The following SLC27A6 variants were observed in gnomAD, a reference collection of about 807,000 sequenced individuals.
SLC27A6 encodes solute carrier family 27 member 6.
Under a neutral mutation model 63.9 loss-of-function variants are expected in SLC27A6, and 74 were observed. That is an observed-to-expected ratio of 1.16 (90% CI 0.96 to 1.40). The LOEUF is 1.40. Among genes scored for constraint, SLC27A6 ranks in the 40% most tolerant of loss-of-function variants. The pLI is 0.00. For synonymous variants in SLC27A6, 287 were observed against 260.8 expected (o/e 1.10, Z -0.97); for missense variants, 794 against 732.9 (o/e 1.08, Z -0.96).
chr5:128,979,721 T>C (rs1159330719), intron 1 of SLC27A6, among the ~76,000 whole-genome samples: 1 of 152,166 alleles, frequency 6.6e-6, no homozygotes, highest in African/African-American at 2.4e-5. Flanking sequence ...AATAATATAA[T>C]GTATAAATTG....
At chr5:129,017,938 G>A (rs929910410) in intron 5 of SLC27A6, among the ~76,000 whole-genome samples, 1 of 152,014 alleles carries the variant, frequency 6.6e-6, no homozygotes, top group African/African-American at 2.4e-5. Context: ...AGATAATGCA[G>A]AAGGAGAAAA....
At chr5:129,020,657 T>A (rs1186509446) in intron 5 of SLC27A6, among the ~76,000 whole-genome samples, 1 of 152,148 alleles carries the variant, frequency 6.6e-6, no homozygotes, top group Non-Finnish European at 1.5e-5. Flanking sequence ...AGCTGTTTTA[T>A]TGCCTTAAAA....
At chr5:128,971,392 T>A (rs36157890) in intron 1 of SLC27A6, among the ~76,000 whole-genome samples, 36,476 of 151,848 alleles carry the variant, frequency 0.24, 4,919 homozygotes, top group Middle Eastern at 0.33. Context: ...TTTGGGGGTC[T>A]AAGTCTCTTT....
chr5:128,997,748 T>G (rs1300878292), intron 4 of SLC27A6, among the ~76,000 whole-genome samples: 1 of 152,222 alleles, frequency 6.6e-6, no homozygotes. Flanking sequence ...AAATTTAGCT[T>G]TATGTAGGAA....
At chr5:128,985,046 C>T in intron 1 of SLC27A6, 87 bp from the exon 2 acceptor site, 2 of 815,526 alleles carry the variant, frequency 2.5e-6, no homozygotes, top group South Asian at 3.5e-5. Context: ...TACATTTTAT[C>T]CCTGTTTCAA....
Position 128,966,000 on chromosome 5 carries a change from C to T in SLC27A6, c.-138C>T, listed in dbSNP as rs1442884497. 3 of 1,017,664 alleles carry T rather than the reference C, an allele frequency of 2.9e-6. No homozygotes were observed. The highest frequency in any genetic ancestry group is 4.0e-6 in the Non-Finnish European group (3 of 741,290). 63.0% of individuals were successfully genotyped at this position (1,017,664 alleles called of 1,614,324 possible). A position where few individuals can be genotyped will look rare whatever the true frequency, so the allele number is the denominator to read the frequency against. ...CAGGATTCCTCCCCATCCCGCTTCG[C>T]CCCGGAAAAGCTGACAAGAACTTCA... is the stretch of plus-strand genomic sequence containing the variant. On this transcript the variant is annotated 5_prime_UTR_variant, in exon 1 of 10. Transcript: ENST00000262462.
At chr5:128,986,190 T>C (rs1475426676) in intron 2 of SLC27A6, among the ~76,000 whole-genome samples, 1 of 152,132 alleles carries the variant, frequency 6.6e-6, no homozygotes, top group Non-Finnish European at 1.5e-5. Context: ...GGCATGCACC[T>C]GTAGTACCAG....
intron 1 of SLC27A6, among the ~76,000 whole-genome samples, chr5:128,968,393 TC>T (rs1749994505): frequency 6.6e-6 from 1 of 152,128 alleles, no homozygotes; most frequent in Non-Finnish European, 1.5e-5. Flanking sequence ...GTCAAAGTGT[TC>T]CTATTTCTCC....
intron 5 of SLC27A6, among the ~76,000 whole-genome samples, chr5:129,018,201 G>A (rs1435074125): frequency 1.3e-5 from 2 of 152,026 alleles, no homozygotes; most frequent in East Asian, 1.9e-4. Flanking sequence ...CCCATAATGC[G>A]AACTTTGGTG....
chr5:128,991,937 T>C (rs1325752740), intron 4 of SLC27A6, among the ~76,000 whole-genome samples: 1 of 151,772 alleles, frequency 6.6e-6, no homozygotes, highest in African/African-American at 2.4e-5. Context: ...ATGCTTCTTC[T>C]TTAACTTTAT....
In SLC27A6 at chr5:128,970,080, G is replaced by A. The variant is rs187218648; in HGVS notation, c.481+3462G>A. Among the ~76,000 whole-genome samples the A allele has an allele frequency of 3.3e-4, 48 of 144,294 alleles. 2 individuals are homozygous for A. In the East Asian group the frequency reaches 6.6e-3, roughly 20 times the overall value. 94.7% of individuals were successfully genotyped at this position (144,294 alleles called of 152,430 possible). A position where few individuals can be genotyped will look rare whatever the true frequency, so the allele number is the denominator to read the frequency against. On this transcript the variant is annotated intron_variant, in intron 1 of 9. Coordinates refer to ENST00000262462, the MANE Select transcript of SLC27A6 (RefSeq NM_001017372.3). ...CTGGATTACGTTTATTGATTTGCAT[G>A]TGCTGAACAAGCCTTGCATCCCAGG... is the stretch of plus-strand genomic sequence containing the variant.
chr5:129,007,438 G>C (rs1426157542), intron 4 of SLC27A6, among the ~76,000 whole-genome samples: 1 of 71,090 alleles, frequency 1.4e-5, no homozygotes, highest in Non-Finnish European at 2.5e-5. Context: ...GCGAGACTCA[G>C]TCTTAAAAAA....
At chr5:129,011,502 C>T (rs1751726475) in intron 4 of SLC27A6, among the ~76,000 whole-genome samples, 1 of 152,184 alleles carries the variant, frequency 6.6e-6, no homozygotes, top group African/African-American at 2.4e-5. Flanking sequence ...AGTCCATAAG[C>T]AACACCATAG....
intron 1 of SLC27A6, among the ~76,000 whole-genome samples, chr5:128,970,938 A>T (rs569360670): frequency 6.6e-6 from 1 of 152,274 alleles, no homozygotes; most frequent in East Asian, 1.9e-4. Flanking sequence ...AATGTTTTCC[A>T]GAGATTCTGA....
In SLC27A6 at chr5:129,015,881, A is replaced by G; in HGVS notation, c.970-4A>G. On this transcript the variant is annotated splice_region_variant and splice_polypyrimidine_tract_variant and intron_variant, in intron 4 of 9. Transcript: ENST00000262462. ...ATTACAAGTAAAACATTTTCTTCTA[A>G]CAGAGAGAAGGAGAAAAGGATCATA... 6.4e-7 allele frequency: 1 copy of G among 1,568,980 alleles called. No individual in the cohort carries two copies. The highest frequency in any genetic ancestry group is 2.1e-5 in the Admixed American group (1 of 47,850).
chr5:128,969,195 C>G (rs191161293), intron 1 of SLC27A6, among the ~76,000 whole-genome samples: 11 of 152,258 alleles, frequency 7.2e-5, no homozygotes, highest in Middle Eastern at 3.4e-3. Context: ...AGTCAGGTAT[C>G]GTGATGCCTC....
chr5:129,002,413 G>T (rs4836428), intron 4 of SLC27A6, among the ~76,000 whole-genome samples: 34,859 of 151,448 alleles, frequency 0.23, 5,108 homozygotes, highest in East Asian at 0.7. Flanking sequence ...TTGAGGCTTT[G>T]TAAAGCTGGT....
intron 4 of SLC27A6, among the ~76,000 whole-genome samples, chr5:129,008,861 A>G (rs1263005040): frequency 6.8e-6 from 1 of 147,066 alleles, no homozygotes; most frequent in South Asian, 2.1e-4. Context: ...ATTATTTTCA[A>G]TTGATTTTTT....
chr5:128,985,179 T>G lies in SLC27A6; in HGVS notation c.528T>G (p.Asn176Lys). 3 of 1,613,980 alleles carry G rather than the reference T, an allele frequency of 1.9e-6. No homozygotes were observed. Among genetic ancestry groups the G allele is most frequent in the Non-Finnish European group, 1.7e-6 (2 of 1,179,962 alleles). Residue 176 changes from asparagine to lysine, a missense_variant, in exon 2 of 10, where the codon AAT (asparagine) becomes AAG (lysine). Physicochemically the swap from Asn to Lys is moderately conservative, Grantham distance 94. Transcript: ENST00000262462. ...VEEILPSLSE[N>K]ISVWGMKDSV... Reference sequence around the variant, plus strand: ...AAATCCTTCCAAGCCTCTCAGAAAATATCAGTGTTTGGGGGATGAAAGATT... The same window carrying G: ...AAATCCTTCCAAGCCTCTCAGAAAAGATCAGTGTTTGGGGGATGAAAGATT...
Sources: gnomAD v4.1 joint callset for allele counts (sites outside exome capture counted in the v4.1 genomes callset) on GRCh38, gnomAD v4.1.1 for gene constraint, MANE v1.5 for transcripts, NCBI Gene and HGNC (gene_info 2026-07-23, HGNC 2026-07-21) for gene names.